The following PCLO variants were observed in gnomAD, a reference collection of about 807,000 sequenced individuals.
PCLO encodes the protein piccolo presynaptic cytomatrix protein, also known as protein piccolo.
PCLO carries 82 observed loss-of-function variants against 427.5 expected under a neutral mutation model. The ratio of observed to expected loss-of-function variants is 0.19; its 90% CI spans 0.16 to 0.23. The LOEUF (loss-of-function observed/expected upper bound fraction) is 0.23, where lower values mean the gene tolerates loss of function less well. Among genes scored for constraint, PCLO ranks in the 10% least tolerant of loss-of-function variants. The pLI is 1.00. For synonymous variants in PCLO, 2,357 were observed against 2,155.4 expected (o/e 1.09, Z -2.59); for missense variants, 6,239 against 6,115.9 (o/e 1.02, Z -0.67).
chr7:82,934,905 A>G (rs1321442939), intron 6 of PCLO, among the ~76,000 whole-genome samples: 1 of 151,536 alleles, frequency 6.6e-6, no homozygotes, highest in Non-Finnish European at 1.5e-5. Context: ...TATAGTATAC[A>G]TTTCTTAATA....
At chr7:82,805,562 G>A (rs2129468813) in intron 21 of PCLO, 126 bp downstream of exon 21, 2 of 820,782 alleles carry the variant, frequency 2.4e-6, no homozygotes, top group Non-Finnish European at 3.9e-6. Context: ...GGCATTAACA[G>A]TTCAAGTGTC....
Position 82,760,656 on chromosome 7 carries a change from C to T in PCLO, c.15271G>A (p.Ala5091Thr). Residue 5091 changes from alanine to threonine, a missense_variant, in exon 24 of 25, where the codon GCA becomes ACA. By Grantham distance (58) the Ala-to-Thr change is moderately conservative. This residue lies in a region of PCLO where 877 missense variants were observed against 925.5 expected (regional missense o/e 0.95). Transcript: ENST00000333891. ...AGAGCTACCTGAAGAGAATGTCCTG[C>T]AGGACTTAGACTGAATCGAAAAGTT... ...NETFRFSLSP[A>T]GHSLQILLFS... 1 of 1,599,936 alleles carries T rather than the reference C, an allele frequency of 6.3e-7. No homozygotes were observed. The highest frequency in any genetic ancestry group is 8.5e-7 in the Non-Finnish European group (1 of 1,173,662).
chr7:83,111,835 T>C (rs905746963), intron 3 of PCLO, among the ~76,000 whole-genome samples: 1 of 152,228 alleles, frequency 6.6e-6, no homozygotes, highest in African/African-American at 2.4e-5. Context: ...TGTAACTTAA[T>C]GTCTGCTTTT....
rs1314796121 is a variant in PCLO at position 82,984,414 on chromosome 7, G to GTGTGTGTA, written c.3301-17928_3301-17927insTACACACA. 6.1e-3 allele frequency among the ~76,000 whole-genome samples: 896 copies of GTGTGTGTA among 147,518 alleles called. 14 individuals are homozygous for GTGTGTGTA. Among genetic ancestry groups the GTGTGTGTA allele is most frequent in the African/African-American group, 0.022 (847 of 39,096 alleles). On this transcript the variant is annotated intron_variant, in intron 3 of 24. Coordinates refer to ENST00000333891, the MANE Select transcript of PCLO (RefSeq NM_033026.6). Reference sequence around the variant, plus strand: ...TTTATTTCAAATGTGGTGTCTGTGTGTGTGTGTGTGTGTGTGTGTGTGTGT... The same window carrying GTGTGTGTA: ...TTTATTTCAAATGTGGTGTCTGTGTGTGTGTGTATGTGTGTGTGTGTGTGTGTGTGTGT...
intron 14 of PCLO, among the ~76,000 whole-genome samples, chr7:82,840,248 C>T (rs1283097312): frequency 6.6e-6 from 1 of 152,040 alleles, no homozygotes; most frequent in Non-Finnish European, 1.5e-5. Context: ...ATCTGGAGTA[C>T]AGAGGTCATC....
chr7:83,042,277 G>C (rs1477204223), intron 3 of PCLO, among the ~76,000 whole-genome samples: 1 of 152,040 alleles, frequency 6.6e-6, no homozygotes, highest in Non-Finnish European at 1.5e-5. Flanking sequence ...AATCGCATTT[G>C]TATCTCTGCA....
intron 4 of PCLO, among the ~76,000 whole-genome samples, chr7:82,960,872 G>T (rs1381254994): frequency 6.6e-6 from 1 of 152,124 alleles, no homozygotes; most frequent in African/African-American, 2.4e-5. Context: ...GTTGCTAAGA[G>T]AGATGGATAA....
In PCLO at chr7:83,043,916, T is replaced by TC. The variant is rs1554383869; in HGVS notation, c.3301-77430_3301-77429insG. ...CAATCTTATTACTATTATTTTCTTT[T>TC]TTTTTTTTTTTTTTTTTTTGCATTC... is the stretch of plus-strand genomic sequence containing the variant. On this transcript the variant is annotated intron_variant, in intron 3 of 24. Coordinates refer to ENST00000333891, the MANE Select transcript of PCLO (RefSeq NM_033026.6). 1.2e-3 allele frequency among the ~76,000 whole-genome samples: 103 copies of TC among 83,292 alleles called. 1 individual carries two copies. Among genetic ancestry groups the TC allele is most frequent in the Middle Eastern group, 5.3e-3 (1 of 190 alleles). The allele number at this position is 83,292 out of a possible 152,430, so 54.6% of individuals were successfully genotyped here.
At position 82,827,858 on chromosome 7, in the gene PCLO, A is replaced by G. The variant is rs756717410; in HGVS notation, c.14343+15T>C. 42 of 1,370,500 alleles carry G rather than the reference A, an allele frequency of 3.1e-5. No homozygotes were observed. The East Asian group carries it at 8.3e-4, about 27-fold the overall frequency. The allele number at this position is 1,370,500 out of a possible 1,614,324, so 84.9% of individuals were successfully genotyped here. A position where few individuals can be genotyped will look rare whatever the true frequency, so the allele number is the denominator to read the frequency against. ...ATTAGCCTAATTCTGTCACCTAGAA[A>G]TAATCTTGACATACCTGTTCCATGG... is the stretch of plus-strand genomic sequence containing the variant. On this transcript the variant is annotated intron_variant, in intron 17 of 24. Coordinates refer to ENST00000333891, the MANE Select transcript of PCLO (RefSeq NM_033026.6).
intron 22 of PCLO, among the ~76,000 whole-genome samples, chr7:82,783,831 T>C (rs187136339): frequency 2.3e-4 from 35 of 152,054 alleles, no homozygotes; most frequent in Non-Finnish European, 4.1e-4. Flanking sequence ...CCTTTCCCAA[T>C]TGCTTCTCTC....
At chr7:83,108,567 T>C (rs914505072) in intron 3 of PCLO, among the ~76,000 whole-genome samples, 7 of 152,064 alleles carry the variant, frequency 4.6e-5, no homozygotes, top group African/African-American at 1.4e-4. Context: ...ATTTTCTAAA[T>C]ACTCAATGCA....
intron 3 of PCLO, among the ~76,000 whole-genome samples, chr7:83,050,207 T>TAAAAAAA (rs1491236067): frequency 8.9e-4 from 1 of 1,122 alleles, no homozygotes; most frequent in African/African-American, 4.8e-3. Context: ...TCTGAAAAAC[T>TAAAAAAA]GAAAAAAAAA....
At chr7:83,156,431 A>G in intron 1 of PCLO, 39 bp from the exon 2 acceptor site, 1 of 1,227,778 alleles carries the variant, frequency 8.1e-7, no homozygotes, top group Non-Finnish European at 1.1e-6. Flanking sequence ...TCAAGTGAAA[A>G]TAATGGAAAT....
At chr7:82,813,928 A>G (rs1791623612) in intron 20 of PCLO, among the ~76,000 whole-genome samples, 1 of 151,826 alleles carries the variant, frequency 6.6e-6, no homozygotes, top group Non-Finnish European at 1.5e-5. Flanking sequence ...CAGTTTTTCT[A>G]TTGTTATGCC....
At chr7:83,076,624 CTTT>C (rs11332065) in intron 3 of PCLO, among the ~76,000 whole-genome samples, 2 of 129,806 alleles carry the variant, frequency 1.5e-5, no homozygotes, top group Middle Eastern at 3.8e-3. Context: ...TGTTATTTTC[CTTT>C]TTTTTTTTTT....
intron 3 of PCLO, among the ~76,000 whole-genome samples, chr7:83,053,563 T>C (rs946606986): frequency 4.0e-5 from 6 of 151,710 alleles, no homozygotes; most frequent in Non-Finnish European, 7.4e-5. Context: ...GGAAGAAAAA[T>C]TAATGCAGAG....
intron 3 of PCLO, among the ~76,000 whole-genome samples, chr7:83,026,084 G>C (rs1404377902): frequency 6.6e-5 from 10 of 151,528 alleles, no homozygotes; most frequent in African/African-American, 2.4e-4. Flanking sequence ...ATCATGACAG[G>C]ATCAAATTCA....
At chr7:83,021,526 G>C (rs1422847769) in intron 3 of PCLO, among the ~76,000 whole-genome samples, 1 of 152,054 alleles carries the variant, frequency 6.6e-6, no homozygotes, top group African/African-American at 2.4e-5. Flanking sequence ...CATAATGGAA[G>C]AACCAAGTAC....
In PCLO at chr7:83,153,085, CATT is replaced by C. The variant is rs1792177682; in HGVS notation, c.1893+1660_1893+1662del. 7.9e-5 allele frequency among the ~76,000 whole-genome samples: 12 copies of C among 151,818 alleles called. No individual in the cohort carries two copies. In the South Asian group the frequency reaches 2.5e-3, roughly 32 times the overall value. ...AAAGTGATCATCTATCATCTGAAGT[CATT>C]ATTACTTCACATTCCTATAAGGAGA... On this transcript the variant is annotated intron_variant, in intron 2 of 24. Transcript: ENST00000333891.
Sources: allele counts gnomAD v4.1 joint callset (sites outside exome capture counted in the v4.1 genomes callset), GRCh38; gene constraint gnomAD v4.1.1; regional missense constraint gnomAD v4.1.1; transcripts MANE v1.5; gene names NCBI Gene and HGNC (gene_info 2026-07-23, HGNC 2026-07-21).